SHTN1: variants seen among roughly 807,000 people sequenced by gnomAD.
SHTN1 encodes shootin 1, also known as shootin-1.
Under a neutral mutation model 83.1 loss-of-function variants are expected in SHTN1, and 42 were observed. That is an observed-to-expected ratio of 0.51 (90% confidence interval 0.39 to 0.65). The LOEUF is 0.65. SHTN1 is among the 30% of genes least tolerant of loss of function. SHTN1 has a pLI of 0.00. For missense variants in SHTN1, 622 were observed against 737.8 expected (o/e 0.84, Z 1.82); for synonymous variants, 224 against 247.7 (o/e 0.90, Z 0.90).
At chr10:116,982,217 C>A (rs1231935528) in intron 1 of SHTN1, among the ~76,000 whole-genome samples, 2 of 152,154 alleles carry the variant, frequency 1.3e-5, no homozygotes, top group African/African-American at 4.8e-5. Flanking sequence ...ACATTGTAGG[C>A]TCCCAATTAC....
chr10:117,072,870 T>C (rs1853104965), intron 1 of SHTN1, among the ~76,000 whole-genome samples: 1 of 152,118 alleles, frequency 6.6e-6, no homozygotes, highest in Non-Finnish European at 1.5e-5. Flanking sequence ...AAATCCCTGA[T>C]TTACTTGAAA....
At chr10:116,891,720 A>C (rs1847348130) in intron 16 of SHTN1, among the ~76,000 whole-genome samples, 1 of 151,922 alleles carries the variant, frequency 6.6e-6, no homozygotes, top group South Asian at 2.2e-4. Flanking sequence ...GGAGATTTTA[A>C]TACACTTGTC....
chr10:117,029,459 G>C (rs1327102384), intron 2 of SHTN1, among the ~76,000 whole-genome samples: 2 of 152,092 alleles, frequency 1.3e-5, no homozygotes, highest in African/African-American at 2.4e-5. Context: ...CATGAGATTT[G>C]GGAAGGTCTG....
At chr10:117,050,857 A>G (rs933259208) in intron 1 of SHTN1, among the ~76,000 whole-genome samples, 1 of 152,112 alleles carries the variant, frequency 6.6e-6, no homozygotes, top group African/African-American at 2.4e-5. Context: ...AGTTTGAGGC[A>G]GCCTAGGCAA....
At position 116,882,501 on chromosome 10, in the gene SHTN1, T is replaced by C. The variant is rs1403532072; in HGVS notation, c.*3843A>G. 1 of 152,068 alleles carries C rather than the reference T, an allele frequency of 6.6e-6. No individual in the cohort carries two copies. The highest frequency in any genetic ancestry group is 1.5e-5 in the Non-Finnish European group (1 of 68,026). 9.4% of individuals were successfully genotyped at this position (152,068 alleles called of 1,614,324 possible). On this transcript the variant is annotated 3_prime_UTR_variant, in exon 17 of 17. Transcript: ENST00000355371. ...AGAGGAGTAGCAGAAATAAATATAT[T>C]CAGACACAAACATATAGATATAATA...
intron 7 of SHTN1, among the ~76,000 whole-genome samples, chr10:116,946,703 TTTTA>T (rs1053971519): frequency 4.8e-4 from 70 of 146,070 alleles, no homozygotes; most frequent in African/African-American, 1.6e-3. Flanking sequence ...TATATATATG[TTTTA>T]TTTATTTATT....
rs536182470 is a variant in SHTN1, at chr10:116,884,254, T to C, written c.*2090A>G. ...TCCTATTTGGGATCCCTTGCTTTGG[T>C]TGACAGTGTCACCCCAGCCAGGGGC... On this transcript the variant is annotated 3_prime_UTR_variant, in exon 17 of 17. Coordinates refer to ENST00000355371, the MANE Select transcript of SHTN1 (RefSeq NM_001127211.3). The C allele has an allele frequency of 1.5e-5, 7 of 459,100 alleles. No homozygotes were observed. Among genetic ancestry groups the C allele is most frequent in the African/African-American group, 6.0e-5 (3 of 50,382 alleles). The allele number at this position is 459,100 out of a possible 1,614,324, so 28.4% of individuals were successfully genotyped here. A position where few individuals can be genotyped will look rare whatever the true frequency, so the allele number is the denominator to read the frequency against.
At chr10:116,930,269 T>C (rs1289775359) in intron 9 of SHTN1, among the ~76,000 whole-genome samples, 1 of 152,154 alleles carries the variant, frequency 6.6e-6, no homozygotes, top group East Asian at 1.9e-4. Flanking sequence ...GGGGTACATG[T>C]GCATGGTTGT....
At chr10:117,114,038 C>T (rs1037707354) in intron 1 of SHTN1, among the ~76,000 whole-genome samples, 1 of 152,036 alleles carries the variant, frequency 6.6e-6, no homozygotes, top group Non-Finnish European at 1.5e-5. Flanking sequence ...CAGAGCGAGA[C>T]TCCGTCTCAA....
chr10:116,972,794 C>A (rs1292763252), intron 2 of SHTN1, among the ~76,000 whole-genome samples: 1 of 152,244 alleles, frequency 6.6e-6, no homozygotes, highest in African/African-American at 2.4e-5. Context: ...AGTGGCACAA[C>A]TGCTGGCTCA....
intron 1 of SHTN1, among the ~76,000 whole-genome samples, chr10:117,104,328 T>G (rs1173288358): frequency 6.6e-6 from 1 of 152,202 alleles, no homozygotes; most frequent in Non-Finnish European, 1.5e-5. Flanking sequence ...CAGTTTGTAT[T>G]GCACAGCAGT....
chr10:116,997,468 T>A (rs536607425), intron 1 of SHTN1, among the ~76,000 whole-genome samples: 1 of 152,322 alleles, frequency 6.6e-6, no homozygotes, highest in South Asian at 2.1e-4. Context: ...ATCTCTTGAC[T>A]ATGACAGTTT....
intron 1 of SHTN1, among the ~76,000 whole-genome samples, chr10:117,083,768 C>T (rs1237144455): frequency 4.6e-5 from 7 of 152,000 alleles, no homozygotes; most frequent in Admixed American, 1.3e-4. Context: ...CTTTCCTTCT[C>T]GCTTCATTTC....
Position 116,993,017 on chromosome 10 carries a change from C to CTTTTTTTTTTTTTT in SHTN1, c.58+11991_58+12004dup, listed in dbSNP as rs35364697. On this transcript the variant is annotated intron_variant, in intron 1 of 16. Coordinates refer to ENST00000355371, the MANE Select transcript of SHTN1 (RefSeq NM_001127211.3). The stretch of plus-strand genomic sequence containing the variant: ...ATGTTTTCTTTTCTTTCTTTTTTTT[C>CTTTTTTTTTTTTTT]TTTTTTTTTTTTTTTTGAGATGGAG... Among the ~76,000 whole-genome samples, 144 of 121,140 alleles carry CTTTTTTTTTTTTTT rather than the reference C, an allele frequency of 1.2e-3. 1 individual carries two copies. Among genetic ancestry groups the CTTTTTTTTTTTTTT allele is most frequent in the Non-Finnish European group, 1.6e-3 (100 of 62,278 alleles). The allele number at this position is 121,140 out of a possible 152,430, so 79.5% of individuals were successfully genotyped here.
At chr10:116,924,819 G>A (rs1343840856) in intron 11 of SHTN1, among the ~76,000 whole-genome samples, 4 of 136,140 alleles carry the variant, frequency 2.9e-5, no homozygotes, top group Non-Finnish European at 4.6e-5. Context: ...GTGCAGTGGC[G>A]CAATCTTGGC....
At chr10:117,100,786 A>G (rs1199871011) in intron 1 of SHTN1, among the ~76,000 whole-genome samples, 2 of 152,228 alleles carry the variant, frequency 1.3e-5, no homozygotes, top group Non-Finnish European at 2.9e-5. Context: ...AGGGATTAAG[A>G]GTTGGCTCGG....
intron 12 of SHTN1, among the ~76,000 whole-genome samples, chr10:116,920,571 T>G (rs1045190358): frequency 2.6e-5 from 4 of 152,172 alleles, no homozygotes; most frequent in Admixed American, 6.5e-5. Flanking sequence ...TCCACCCTTA[T>G]CCAGTTACAG....
intron 2 of SHTN1, among the ~76,000 whole-genome samples, chr10:116,972,064 A>C (rs929634910): frequency 2.0e-5 from 3 of 152,178 alleles, no homozygotes; most frequent in Non-Finnish European, 2.9e-5. Flanking sequence ...CAGAAGAAAA[A>C]CGTCAGGTCC....
intron 9 of SHTN1, among the ~76,000 whole-genome samples, chr10:116,931,168 A>G (rs1453139861): frequency 1.3e-5 from 2 of 149,222 alleles, no homozygotes; most frequent in African/African-American, 4.9e-5. Flanking sequence ...CTTTCGATTC[A>G]GTAAAACCAT....
Sources: allele counts gnomAD v4.1 joint callset (sites outside exome capture counted in the v4.1 genomes callset), GRCh38; gene constraint gnomAD v4.1.1; transcripts MANE v1.5; gene names NCBI Gene and HGNC (gene_info 2026-07-23, HGNC 2026-07-21).